INSL5: variants seen among roughly 807,000 people sequenced by gnomAD.
The protein encoded by INSL5 is insulin like 5.
In INSL5, 3 loss-of-function variants were observed where a neutral mutation model predicts 4.3. The observed-to-expected ratio is 0.70, with a 90% CI of 0.32 to 1.82. INSL5 has a LOEUF of 1.82. INSL5 is among the 40% of genes most tolerant of loss of function. The pLI is 0.08. For missense variants in INSL5, 168 were observed against 160.9 expected, an observed-to-expected ratio of 1.04 and a Z score of -0.24; for synonymous variants, 68 against 56.6, an observed-to-expected ratio of 1.20 and a Z score of -0.90.
chr1:66,799,869 C>T (rs1320557975), intron 1 of INSL5, among the ~76,000 whole-genome samples: 2 of 151,968 alleles, frequency 1.3e-5, no homozygotes, highest in Non-Finnish European at 2.9e-5. Context: ...GGCAACATTG[C>T]AAGACCCCAC....
At position 66,801,106 on chromosome 1, in the gene INSL5, T is replaced by C. The variant is rs760289872; in HGVS notation, c.116A>G (p.Tyr39Cys). Residue 39 changes from tyrosine to cysteine, a missense_variant, in exon 1 of 2, where the codon TAT becomes TGT. Transcript: ENST00000304526. ...CGLEYIRTVI[Y>C]ICASSRWRRH... Reference sequence around the variant, plus strand: ...TCTCCACCTGGAGCTAGCACAGATATAGATGACTGTCCGTATGTATTCTAG... The same window carrying C: ...TCTCCACCTGGAGCTAGCACAGATACAGATGACTGTCCGTATGTATTCTAG... 6.2e-6 allele frequency: 10 copies of C among 1,613,886 alleles called. No individual in the cohort carries two copies. In the Admixed American group the frequency reaches 1.0e-4, roughly 16 times the overall value.
At chr1:66,799,954 T>G (rs1645364306) in intron 1 of INSL5, among the ~76,000 whole-genome samples, 2 of 152,110 alleles carry the variant, frequency 1.3e-5, no homozygotes, top group African/African-American at 4.8e-5. Context: ...GAGGCTGAGG[T>G]GTGAGGATCA....
Position 66,797,989 on chromosome 1 carries a change from A to G in INSL5, c.*24T>C. The G allele has an allele frequency of 6.8e-7, 1 of 1,465,794 alleles. No homozygotes were observed. Among genetic ancestry groups the G allele is most frequent in the African/African-American group, 1.4e-5 (1 of 72,044 alleles). 90.8% of individuals were successfully genotyped at this position (1,465,794 alleles called of 1,614,324 possible). On this transcript the variant is annotated 3_prime_UTR_variant, in exon 2 of 2. Transcript: ENST00000304526. Reference sequence around the variant, plus strand: ...ATTAAACATGTGATAAAGCTCTGCCACCCATTGGGTATTTGCTCTTGTCTT... The same window carrying G: ...ATTAAACATGTGATAAAGCTCTGCCGCCCATTGGGTATTTGCTCTTGTCTT...
chr1:66,797,819 C>T lies in INSL5; in HGVS notation c.*194G>A, dbSNP rs1645352113. On this transcript the variant is annotated 3_prime_UTR_variant, in exon 2 of 2. Coordinates refer to ENST00000304526, the MANE Select transcript of INSL5 (RefSeq NM_005478.6). ...TTAGTAGAATTTGAAAAGAACAGTT[C>T]ATTAACCTTGGCAAAGGGAGAAAAT... is the stretch of plus-strand genomic sequence containing the variant. 1.8e-6 allele frequency: 1 copy of T among 545,444 alleles called. No homozygotes were observed. The allele number at this position is 545,444 out of a possible 1,614,324, so 33.8% of individuals were successfully genotyped here.
Position 66,798,560 on chromosome 1 carries a change from T to G in INSL5, c.176-315A>C, listed in dbSNP as rs868349386. On this transcript the variant is annotated intron_variant, in intron 1 of 1. Coordinates refer to ENST00000304526, the MANE Select transcript of INSL5 (RefSeq NM_005478.6). ...GCTGGATGACCAGCAGCTTCCAATA[T>G]TAGTTATGTGCTATAAACAAAAAAC... Among the ~76,000 whole-genome samples the G allele has an allele frequency of 5.9e-5, 9 of 152,196 alleles. No homozygotes were observed. In the Middle Eastern group the frequency reaches 0.01, roughly 173 times the overall value.
At position 66,798,258 on chromosome 1, in the gene INSL5, G is replaced by GA. The variant is rs759685301; in HGVS notation, c.176-14dup. On this transcript the variant is annotated splice_polypyrimidine_tract_variant and intron_variant, in intron 1 of 1. Coordinates refer to ENST00000304526, the MANE Select transcript of INSL5 (RefSeq NM_005478.6). ...TTTCCTGTCTCAGCTGTATGGAAGA[G>GA]AAAAAAATAATACATCCTTAGACAG... The GA allele has an allele frequency of 1.3e-6, 2 of 1,588,132 alleles. No individual in the cohort carries two copies. The highest frequency in any genetic ancestry group is 1.4e-5 in the African/African-American group (1 of 73,966).
intron 1 of INSL5, 40 bp downstream of exon 1, chr1:66,801,007 T>C (rs1645372295): frequency 1.4e-6 from 2 of 1,439,218 alleles, no homozygotes; most frequent in African/African-American, 1.4e-5. Context: ...AAAAGAGACA[T>C]GTGAAAGGAA....
Position 66,797,830 on chromosome 1 carries a change from G to T in INSL5, c.*183C>A. 1 of 556,536 alleles carries T rather than the reference G, an allele frequency of 1.8e-6. No individual in the cohort carries two copies. Among genetic ancestry groups the T allele is most frequent in the Non-Finnish European group, 3.2e-6 (1 of 313,390 alleles). 34.5% of individuals were successfully genotyped at this position (556,536 alleles called of 1,614,324 possible). ...TGAAAAGAACAGTTCATTAACCTTG[G>T]CAAAGGGAGAAAATAGAGATCACTG... On this transcript the variant is annotated 3_prime_UTR_variant, in exon 2 of 2. Coordinates refer to ENST00000304526, the MANE Select transcript of INSL5 (RefSeq NM_005478.6).
In INSL5 at chr1:66,798,068, T is replaced by A; in HGVS notation, c.353A>T (p.Gln118Leu). The change falls in exon 2 of 2, where the codon CAA becomes CTA. Residue 118 changes from glutamine to leucine, a missense_variant. Gln to Leu is a moderately radical substitution (Grantham distance 113, BLOSUM62 -2). Coordinates refer to ENST00000304526, the MANE Select transcript of INSL5 (RefSeq NM_005478.6). ...ACAGCCATCAGTGCAACACAAAGTT[T>A]GTAAATCTTGTCTTGACATCACTGA... The part of the protein sequence containing the change: ...KHSVMSRQDL[Q>L]TLCCTDGCSM... 6.2e-7 allele frequency: 1 copy of A among 1,614,136 alleles called. No homozygotes were observed. Among genetic ancestry groups the A allele is most frequent in the Non-Finnish European group, 8.5e-7 (1 of 1,180,028 alleles).
In INSL5 at chr1:66,798,098, T is replaced by C. The variant is rs1645354144; in HGVS notation, c.323A>G (p.Lys108Arg). Residue 108 changes from lysine (K) to arginine (R), a missense_variant, in exon 2 of 2, where the codon AAG becomes AGG. By Grantham distance (26) the Lys-to-Arg change is conservative (BLOSUM62 2). Coordinates refer to ENST00000304526, the MANE Select transcript of INSL5 (RefSeq NM_005478.6). ...MPTEELWKSKKHSVMSRQDLQ... is the reference protein window; with the variant it reads ...MPTEELWKSKRHSVMSRQDLQ... ...ATCTTGTCTTGACATCACTGAATGC[T>C]TCTTTGACTTCCAAAGCTCTTCAGT... 6.2e-7 allele frequency: 1 copy of C among 1,614,168 alleles called. No homozygotes were observed. Among genetic ancestry groups the C allele is most frequent in the South Asian group, 1.1e-5 (1 of 91,084 alleles).
intron 1 of INSL5, among the ~76,000 whole-genome samples, chr1:66,798,583 A>G (rs1211829688): frequency 6.6e-6 from 1 of 152,190 alleles, no homozygotes; most frequent in Non-Finnish European, 1.5e-5. Flanking sequence ...ATAAACAAAA[A>G]ACACATAAAC....
In INSL5 at chr1:66,797,829, G is replaced by T; in HGVS notation, c.*184C>A. 2 of 556,840 alleles carry T rather than the reference G, an allele frequency of 3.6e-6. No homozygotes were observed. The highest frequency in any genetic ancestry group is 6.4e-6 in the Non-Finnish European group (2 of 313,522). The allele number at this position is 556,840 out of a possible 1,614,324, so 34.5% of individuals were successfully genotyped here. A position where few individuals can be genotyped will look rare whatever the true frequency, so the allele number is the denominator to read the frequency against. The stretch of plus-strand genomic sequence containing the variant: ...TTGAAAAGAACAGTTCATTAACCTT[G>T]GCAAAGGGAGAAAATAGAGATCACT... On this transcript the variant is annotated 3_prime_UTR_variant, in exon 2 of 2. Transcript: ENST00000304526.
At chr1:66,798,502 G>T (rs536459239) in intron 1 of INSL5, among the ~76,000 whole-genome samples, 1 of 152,258 alleles carries the variant, frequency 6.6e-6, no homozygotes, top group African/African-American at 2.4e-5. Flanking sequence ...TGCTCAGCTA[G>T]TCGGGACTTG....
At chr1:66,798,270 AC>A (rs1557881686) in intron 1 of INSL5, 25 bp from the exon 2 acceptor site, 1 of 1,505,132 alleles carries the variant, frequency 6.6e-7, no homozygotes, top group Non-Finnish European at 9.2e-7. Flanking sequence ...AAAAAATAAT[AC>A]ATCCTTAGAC....
Position 66,797,828 on chromosome 1 carries a change from T to A in INSL5, c.*185A>T, listed in dbSNP as rs1645352178. On this transcript the variant is annotated 3_prime_UTR_variant, in exon 2 of 2. Coordinates refer to ENST00000304526, the MANE Select transcript of INSL5 (RefSeq NM_005478.6). The stretch of plus-strand genomic sequence containing the variant: ...TTTGAAAAGAACAGTTCATTAACCT[T>A]GGCAAAGGGAGAAAATAGAGATCAC... 1.8e-6 allele frequency: 1 copy of A among 557,268 alleles called. No homozygotes were observed. The highest frequency in any genetic ancestry group is 2.9e-5 in the East Asian group (1 of 34,826). The allele number at this position is 557,268 out of a possible 1,614,324, so 34.5% of individuals were successfully genotyped here.
chr1:66,797,831 C>T lies in INSL5; in HGVS notation c.*182G>A, dbSNP rs550836419. On this transcript the variant is annotated 3_prime_UTR_variant, in exon 2 of 2. Coordinates refer to ENST00000304526, the MANE Select transcript of INSL5 (RefSeq NM_005478.6). ...GAAAAGAACAGTTCATTAACCTTGG[C>T]AAAGGGAGAAAATAGAGATCACTGT... 1.9e-3 allele frequency: 1,064 copies of T among 556,844 alleles called. No individual in the cohort carries two copies. Among genetic ancestry groups the T allele is most frequent in the Non-Finnish European group, 3.1e-3 (959 of 313,632 alleles). The allele number at this position is 556,844 out of a possible 1,614,324, so 34.5% of individuals were successfully genotyped here. A position where few individuals can be genotyped will look rare whatever the true frequency, so the allele number is the denominator to read the frequency against.
chr1:66,798,244 A>G lies in INSL5; in HGVS notation c.177T>C (p.Ala59=). ...HQEGIPQAQQ[A]ETGNSFQLPH... ...GGAGCTGGAAGGAGTTTCCTGTCTC[A>G]GCTGTATGGAAGAGAAAAAAATAAT... The change falls in exon 2 of 2, where the codon GCT becomes GCC. Residue 59 remains alanine, a splice_region_variant and synonymous_variant. Transcript: ENST00000304526. 1 of 1,611,714 alleles carries G rather than the reference A, an allele frequency of 6.2e-7. No homozygotes were observed. Among genetic ancestry groups the G allele is most frequent in the Non-Finnish European group, 8.5e-7 (1 of 1,177,902 alleles).
chr1:66,798,185 G>A lies in INSL5; in HGVS notation c.236C>T (p.Ala79Val), dbSNP rs372109860. 33 of 1,613,980 alleles carry A rather than the reference G, an allele frequency of 2.0e-5. No individual in the cohort carries two copies. The highest frequency in any genetic ancestry group is 8.0e-5 in the African/African-American group (6 of 74,900). Residue 79 changes from alanine to valine, a missense_variant, in exon 2 of 2, where the codon GCG becomes GTG. Coordinates refer to ENST00000304526, the MANE Select transcript of INSL5 (RefSeq NM_005478.6). ...GGCATCCACCTTCGGAAGGTTTTGC[G>A]CTGGATTTTCCTCAGAAAACTCACG... ...HKREFSEENP[A>V]QNLPKVDASG...
chr1:66,801,190 A>T lies in INSL5; in HGVS notation c.32T>A (p.Phe11Tyr). 1 of 1,613,644 alleles carries T rather than the reference A, an allele frequency of 6.2e-7. No individual in the cohort carries two copies. MKGSIFTLFL[F>Y]SVLFAISEVR... Reference sequence around the variant, plus strand: ...TTCTGAGATGGCAAATAGGACAGAGAATAAAAACAGAGTGAAAATGGAGCC... The same window carrying T: ...TTCTGAGATGGCAAATAGGACAGAGTATAAAAACAGAGTGAAAATGGAGCC... The change falls in exon 1 of 2, where the codon TTC becomes TAC. Residue 11 changes from phenylalanine (F) to tyrosine (Y), a missense_variant. Transcript: ENST00000304526.
Sources: gnomAD v4.1 joint callset for allele counts (sites outside exome capture counted in the v4.1 genomes callset) on GRCh38, gnomAD v4.1.1 for gene constraint, MANE v1.5 for transcripts, NCBI Gene and HGNC (gene_info 2026-07-23, HGNC 2026-07-21) for gene names.